Variants in PALM2AKAP2 observed in about 807,000 individuals in gnomAD.
PALM2AKAP2 encodes PALM2-AKAP2 fusion protein.
A neutral mutation model predicts 71.5 loss-of-function variants in PALM2AKAP2; 37 were observed. That is an observed-to-expected ratio of 0.52 (90% CI 0.40 to 0.68). PALM2AKAP2 has a LOEUF of 0.68. Among genes scored for constraint, PALM2AKAP2 ranks in the 30% least tolerant of loss-of-function variants. PALM2AKAP2 has a pLI of 0.00. For synonymous variants in PALM2AKAP2, 468 were observed against 478.8 expected (o/e 0.98, Z 0.29); for missense variants, 1,224 against 1,191.8 (o/e 1.03, Z -0.40).
In PALM2AKAP2 at chr9:110,162,076, C is replaced by G; in HGVS notation, c.2748+5579C>G. ...GTCACTGCCATGTACTAACCCTGGT[C>G]TTTTCCCTCTCTGCCAGTACACTTC... On this transcript the variant is annotated intron_variant, in intron 3 of 3. Coordinates refer to ENST00000374525, the Ensembl canonical transcript of PALM2AKAP2. The G allele has an allele frequency of 6.2e-7, 1 of 1,613,888 alleles. No individual in the cohort carries two copies. The highest frequency in any genetic ancestry group is 1.1e-5 in the South Asian group (1 of 91,062).
intron 1 of PALM2AKAP2, among the ~76,000 whole-genome samples, chr9:109,775,177 A>G (rs975613957): frequency 6.6e-6 from 1 of 152,184 alleles, no homozygotes; most frequent in Admixed American, 6.5e-5. Flanking sequence ...TTATCTACCC[A>G]GTTTCCTCTA....
intron 7 of PALM2AKAP2, among the ~76,000 whole-genome samples, chr9:110,028,031 A>C (rs781503258): frequency 3.3e-5 from 5 of 152,196 alleles, no homozygotes; most frequent in Non-Finnish European, 5.9e-5. Flanking sequence ...TTTTTTAAAA[A>C]TCCTTGAAAC....
intron 1 of PALM2AKAP2, among the ~76,000 whole-genome samples, chr9:110,122,792 G>A (rs1213183627): frequency 6.6e-6 from 1 of 152,144 alleles, no homozygotes; most frequent in East Asian, 1.9e-4. Flanking sequence ...TCAGGTTACG[G>A]CAAAACAGTG....
chr9:109,818,083 T>A (rs1389248349), intron 1 of PALM2AKAP2, among the ~76,000 whole-genome samples: 1 of 152,184 alleles, frequency 6.6e-6, no homozygotes, highest in African/African-American at 2.4e-5. Context: ...GGGAATTTCT[T>A]AGCATGTGTT....
At chr9:109,841,259 C>A (rs902659672) in intron 1 of PALM2AKAP2, among the ~76,000 whole-genome samples, 8 of 150,630 alleles carry the variant, frequency 5.3e-5, no homozygotes, top group Admixed American at 6.6e-5. Context: ...AGCAAACTAT[C>A]GCAGGGACAA....
At chr9:109,784,412 A>T (rs1826906877) in intron 1 of PALM2AKAP2, among the ~76,000 whole-genome samples, 1 of 152,200 alleles carries the variant, frequency 6.6e-6, no homozygotes, top group Non-Finnish European at 1.5e-5. Flanking sequence ...GTAAAATAAA[A>T]TATAAAATAA....
intron 1 of PALM2AKAP2, among the ~76,000 whole-genome samples, chr9:109,698,585 C>T (rs991122704): frequency 1.3e-5 from 2 of 152,116 alleles, no homozygotes; most frequent in Admixed American, 1.3e-4. Flanking sequence ...AGCCGGGTTG[C>T]TAATCTTTGA....
At chr9:109,896,724 T>A (rs1158096347) in intron 3 of PALM2AKAP2, among the ~76,000 whole-genome samples, 3 of 152,090 alleles carry the variant, frequency 2.0e-5, no homozygotes, top group Admixed American at 2.0e-4. Context: ...GGCGGGAGGA[T>A]CACTTAAGTC....
intron 1 of PALM2AKAP2, among the ~76,000 whole-genome samples, chr9:109,817,618 A>G (rs1248235378): frequency 6.6e-6 from 1 of 152,184 alleles, no homozygotes; most frequent in Non-Finnish European, 1.5e-5. Context: ...GAAATTCAGA[A>G]AGCAAATAGT....
chr9:109,761,188 T>C (rs1011760068), intron 1 of PALM2AKAP2, among the ~76,000 whole-genome samples: 4 of 152,236 alleles, frequency 2.6e-5, no homozygotes, highest in African/African-American at 9.6e-5. Flanking sequence ...TCTAATCTTA[T>C]GGCATTTTAA....
rs188806468 is a variant in PALM2AKAP2 at position 109,715,857 on chromosome 9, T to G, written c.6-64631T>G. On this transcript the variant is annotated intron_variant, in intron 1 of 6. Transcript: ENST00000374531. Reference sequence around the variant, plus strand: ...CTTTTCTTCTTCCTTCTTCCTTCTTTCTTCTTCTTTGTTAAGCAAATATAC... The same window carrying G: ...CTTTTCTTCTTCCTTCTTCCTTCTTGCTTCTTCTTTGTTAAGCAAATATAC... Among the ~76,000 whole-genome samples the G allele has an allele frequency of 8.2e-3, 1,252 of 152,352 alleles. 21 individuals are homozygous for G. Among genetic ancestry groups the G allele is most frequent in the African/African-American group, 0.029 (1,200 of 41,580 alleles).
intron 1 of PALM2AKAP2, among the ~76,000 whole-genome samples, chr9:109,740,713 G>A (rs1387075763): frequency 1.3e-5 from 2 of 152,172 alleles, no homozygotes; most frequent in African/African-American, 4.8e-5. Flanking sequence ...GAGTGCAGTG[G>A]TGCGATCTTG....
chr9:109,648,600 G>A (rs771753492), intron 1 of PALM2AKAP2, among the ~76,000 whole-genome samples: 9 of 152,302 alleles, frequency 5.9e-5, no homozygotes, highest in Non-Finnish European at 8.8e-5. Flanking sequence ...TCAGGGAACA[G>A]GTTTCTGACT....
intron 1 of PALM2AKAP2, among the ~76,000 whole-genome samples, chr9:109,847,339 G>A (rs1464555708): frequency 6.6e-6 from 1 of 152,216 alleles, no homozygotes; most frequent in African/African-American, 2.4e-5. Context: ...GCTGCCAGAA[G>A]CTTAAAGAGG....
chr9:109,950,756 C>T (rs1457070847), intron 6 of PALM2AKAP2, among the ~76,000 whole-genome samples: 1 of 152,182 alleles, frequency 6.6e-6, no homozygotes, highest in African/African-American at 2.4e-5. Context: ...AGGCCCAACT[C>T]CAGCCCAGCT....
At chr9:109,819,765 C>G (rs1264213960) in intron 1 of PALM2AKAP2, among the ~76,000 whole-genome samples, 1 of 151,740 alleles carries the variant, frequency 6.6e-6, no homozygotes, top group Non-Finnish European at 1.5e-5. Flanking sequence ...TTTCCTTTCT[C>G]CATAGCACTG....
chr9:109,844,203 C>T (rs1828787886), intron 1 of PALM2AKAP2, among the ~76,000 whole-genome samples: 1 of 152,206 alleles, frequency 6.6e-6, no homozygotes, highest in Non-Finnish European at 1.5e-5. Context: ...AGTTCTGCCA[C>T]TGGCACCACT....
chr9:110,168,290 TTCTCC>T (rs1836783132), intron 3 of PALM2AKAP2, 104 bp from the exon 11 acceptor site: 10 of 1,369,046 alleles, frequency 7.3e-6, no homozygotes. Flanking sequence ...CTTTATCACT[TTCTCC>T]TCTCAAGTTG....
At chr9:110,104,076 T>C (rs1467913740) in intron 1 of PALM2AKAP2, among the ~76,000 whole-genome samples, 1 of 151,718 alleles carries the variant, frequency 6.6e-6, no homozygotes, top group African/African-American at 2.4e-5. Flanking sequence ...CCCCAGGGAG[T>C]TCCCCATATG....
Sources: allele counts gnomAD v4.1 joint callset (sites outside exome capture counted in the v4.1 genomes callset), GRCh38; gene constraint gnomAD v4.1.1; transcripts MANE v1.5; gene names NCBI Gene and HGNC (gene_info 2026-07-23, HGNC 2026-07-21).